Variants in CXCL13 observed in about 807,000 individuals in gnomAD.
The protein encoded by CXCL13 is C-X-C motif chemokine ligand 13, also known as C-X-C motif chemokine 13.
In CXCL13, 7 loss-of-function variants were observed where a neutral mutation model predicts 12.2. The ratio of observed to expected loss-of-function variants is 0.57; its 90% CI spans 0.33 to 1.07. The LOEUF is 1.07. Among genes scored for constraint, CXCL13 ranks in the 50% least tolerant of loss-of-function variants. The pLI is 0.04. For synonymous variants in CXCL13, 47 were observed against 42.4 expected (o/e 1.11, Z -0.42); for missense variants, 113 against 127.4 (o/e 0.89, Z 0.55).
chr4:77,527,063 C>T (rs1724784882), intron 1 of CXCL13, among the ~76,000 whole-genome samples: 1 of 152,116 alleles, frequency 6.6e-6, no homozygotes, highest in Non-Finnish European at 1.5e-5. Flanking sequence ...ATAGACAATG[C>T]TCATATTAAA....
At chr4:77,545,133 T>A (rs1448949071) in intron 1 of CXCL13, among the ~76,000 whole-genome samples, 1 of 152,210 alleles carries the variant, frequency 6.6e-6, no homozygotes, top group Non-Finnish European at 1.5e-5. Context: ...AGTACTATGC[T>A]GTTTTGGTTA....
intron 1 of CXCL13, among the ~76,000 whole-genome samples, chr4:77,530,139 G>T (rs1189794532): frequency 6.6e-6 from 1 of 152,174 alleles, no homozygotes; most frequent in Non-Finnish European, 1.5e-5. Context: ...CTTGATCATG[G>T]TGGATAAGCT....
intron 1 of CXCL13, among the ~76,000 whole-genome samples, chr4:77,578,813 G>C (rs1408389529): frequency 1.3e-5 from 2 of 152,086 alleles, no homozygotes; most frequent in Non-Finnish European, 2.9e-5. Context: ...CTTATTCTCT[G>C]GTCTCTGCAG....
chr4:77,565,397 G>A (rs1356458277), intron 1 of CXCL13, among the ~76,000 whole-genome samples: 2 of 152,172 alleles, frequency 1.3e-5, no homozygotes, highest in Non-Finnish European at 2.9e-5. Flanking sequence ...ACTGGTATTT[G>A]GTGTTTGTAG....
intron 1 of CXCL13, among the ~76,000 whole-genome samples, chr4:77,590,558 C>T (rs1578068327): frequency 1.3e-5 from 2 of 152,306 alleles, no homozygotes; most frequent in East Asian, 3.9e-4. Flanking sequence ...CGCTCAAGAA[C>T]AGGTTTTCCA....
intron 1 of CXCL13, among the ~76,000 whole-genome samples, chr4:77,553,778 G>A (rs1404618810): frequency 6.6e-6 from 1 of 152,148 alleles, no homozygotes; most frequent in Non-Finnish European, 1.5e-5. Context: ...AGTGGATGAG[G>A]CATGCTGAAA....
intron 1 of CXCL13, among the ~76,000 whole-genome samples, chr4:77,595,104 T>TTC (rs1160275473): frequency 6.6e-6 from 1 of 151,622 alleles, no homozygotes; most frequent in African/African-American, 2.4e-5. Context: ...GGTGATTTTT[T>TTC]TTTTTTTTTT....
upstream of CXCL13, among the ~76,000 whole-genome samples, chr4:77,601,676 C>T (rs1355556426): frequency 2.6e-5 from 4 of 152,220 alleles, no homozygotes; most frequent in Admixed American, 2.6e-4. Flanking sequence ...GTTACTTTTT[C>T]ATGTACTTCA....
intron 1 of CXCL13, among the ~76,000 whole-genome samples, chr4:77,526,989 T>A (rs1346822370): frequency 1.3e-5 from 2 of 152,182 alleles, no homozygotes; most frequent in African/African-American, 4.8e-5. Context: ...GGTTTCCCTT[T>A]GTGAAAATCA....
chr4:77,521,448 G>A (rs1359317603), intron 1 of CXCL13, among the ~76,000 whole-genome samples: 1 of 152,004 alleles, frequency 6.6e-6, no homozygotes, highest in African/African-American at 2.4e-5. Context: ...GTCTTGGGAG[G>A]GTGTATGTGT....
At chr4:77,513,552 C>G (rs1426596422) in intron 1 of CXCL13, among the ~76,000 whole-genome samples, 1 of 151,922 alleles carries the variant, frequency 6.6e-6, no homozygotes, top group African/African-American at 2.4e-5. Context: ...CCTGGGTTCA[C>G]AGGATTCTCC....
chr4:77,542,737 T>A (rs537801732), intron 1 of CXCL13, among the ~76,000 whole-genome samples: 45 of 152,318 alleles, frequency 3.0e-4, no homozygotes, highest in Non-Finnish European at 4.9e-4. Flanking sequence ...GTGAACTAAC[T>A]TTTTTAAGTG....
chr4:77,520,214 A>T (rs1442785825), intron 1 of CXCL13, among the ~76,000 whole-genome samples: 1 of 152,142 alleles, frequency 6.6e-6, no homozygotes, highest in Non-Finnish European at 1.5e-5. Flanking sequence ...TTTTGGTTCC[A>T]TATGAACTTT....
upstream of CXCL13, among the ~76,000 whole-genome samples, chr4:77,601,878 A>G (rs1726886482): frequency 6.6e-6 from 1 of 152,190 alleles, no homozygotes; most frequent in Admixed American, 6.5e-5. Context: ...TCGGGATACA[A>G]ACCGAGCCAG....
chr4:77,525,194 G>A (rs1724731960), intron 1 of CXCL13, among the ~76,000 whole-genome samples: 1 of 152,220 alleles, frequency 6.6e-6, no homozygotes, highest in Non-Finnish European at 1.5e-5. Flanking sequence ...CTCCAGAACA[G>A]TGAGCTAAAT....
chr4:77,577,449 G>C (rs1726225004), intron 1 of CXCL13, among the ~76,000 whole-genome samples: 1 of 152,124 alleles, frequency 6.6e-6, no homozygotes, highest in African/African-American at 2.4e-5. Flanking sequence ...TCCGGAGGCA[G>C]ACAATAATGG....
chr4:77,529,173 T>C lies in CXCL13; in HGVS notation c.-43+17385T>C, dbSNP rs192303635. ...TGGTAATAGTACCATGCTGTTTTGG[T>C]TACTGTAGCCTTGTAGCATAGTTTG... On this transcript the variant is annotated intron_variant, in intron 1 of 4. Transcript: ENST00000286758. Among the ~76,000 whole-genome samples, 831 of 152,348 alleles carry C rather than the reference T, an allele frequency of 5.5e-3. 8 individuals are homozygous for C. Among genetic ancestry groups the C allele is most frequent in the African/African-American group, 0.018 (731 of 41,578 alleles).
intron 1 of CXCL13, among the ~76,000 whole-genome samples, chr4:77,530,052 G>A (rs1325760255): frequency 6.6e-6 from 1 of 152,052 alleles, no homozygotes; most frequent in Non-Finnish European, 1.5e-5. Context: ...TTTTGTCATT[G>A]GTTCTTTTTA....
intron 1 of CXCL13, among the ~76,000 whole-genome samples, chr4:77,548,626 A>C (rs190424771): frequency 8.9e-4 from 135 of 152,324 alleles, no homozygotes; most frequent in African/African-American, 3.0e-3. Context: ...CTGGTACTAG[A>C]AAATAATCTT....
Sources: gnomAD v4.1 joint callset for allele counts (sites outside exome capture counted in the v4.1 genomes callset) on GRCh38, gnomAD v4.1.1 for gene constraint, MANE v1.5 for transcripts, NCBI Gene and HGNC (gene_info 2026-07-23, HGNC 2026-07-21) for gene names.